UNC13C: variants seen among roughly 807,000 people sequenced by gnomAD.
UNC13C encodes unc-13 homolog C.
In UNC13C, 174 loss-of-function variants were observed where a neutral mutation model predicts 245.4. The ratio of observed to expected loss-of-function variants is 0.71; its 90% CI spans 0.63 to 0.80. The LOEUF is 0.80. Ranked by LOEUF, UNC13C falls within the 30% of genes least tolerant of loss-of-function variation. The pLI is 0.00. For synonymous variants in UNC13C, 992 were observed against 895.1 expected, an observed-to-expected ratio of 1.11 and a Z score of -1.93; for missense variants, 2,829 against 2,602.9, an observed-to-expected ratio of 1.09 and a Z score of -1.89.
At chr15:54,183,131 TAGG>T (rs1243231862) in intron 4 of UNC13C, among the ~76,000 whole-genome samples, 2 of 151,410 alleles carry the variant, frequency 1.3e-5, no homozygotes, top group African/African-American at 2.4e-5. Flanking sequence ...AAAGGTGAAA[TAGG>T]GGGACAAAAG....
At chr15:54,618,161 C>T (rs1056455462) in intron 30 of UNC13C, among the ~76,000 whole-genome samples, 6 of 152,030 alleles carry the variant, frequency 3.9e-5, no homozygotes, top group East Asian at 1.9e-4. Flanking sequence ...TTATTAATCC[C>T]GTGTTATAAC....
intron 24 of UNC13C, among the ~76,000 whole-genome samples, chr15:54,514,488 C>A (rs1455028108): frequency 6.6e-6 from 1 of 152,194 alleles, no homozygotes; most frequent in Non-Finnish European, 1.5e-5. Flanking sequence ...ATATGTACTT[C>A]TTGCTATAAA....
chr15:54,166,320 C>T (rs2033160449), intron 4 of UNC13C, among the ~76,000 whole-genome samples: 1 of 151,934 alleles, frequency 6.6e-6, no homozygotes, highest in Non-Finnish European at 1.5e-5. Flanking sequence ...TGATAGGAGA[C>T]ATGAAAAAAT....
intron 18 of UNC13C, among the ~76,000 whole-genome samples, chr15:54,408,079 T>C (rs2040336573): frequency 6.6e-6 from 1 of 151,318 alleles, no homozygotes; most frequent in South Asian, 2.1e-4. Context: ...CGGGCGCCTG[T>C]AGTCCCAGCT....
At chr15:54,229,624 T>C (rs1414307026) in intron 4 of UNC13C, among the ~76,000 whole-genome samples, 1 of 152,226 alleles carries the variant, frequency 6.6e-6, no homozygotes, top group Non-Finnish European at 1.5e-5. Context: ...GTTATATTTA[T>C]GGGGTGAGTA....
At chr15:53,945,905 T>C in the UNC13C span, among the ~76,000 whole-genome samples, 1 of 152,210 alleles carries the variant, frequency 6.6e-6, no homozygotes, top group Non-Finnish European at 1.5e-5. Flanking sequence ...CATTTGTTTG[T>C]GTCATCCCTG....
chr15:54,230,542 A>G (rs1267072775), intron 4 of UNC13C, among the ~76,000 whole-genome samples: 1 of 152,092 alleles, frequency 6.6e-6, no homozygotes, highest in Non-Finnish European at 1.5e-5. Context: ...TTAAAATTAC[A>G]GAACATATGT....
chr15:54,473,662 T>C (rs1053995741), intron 19 of UNC13C, among the ~76,000 whole-genome samples: 3 of 152,034 alleles, frequency 2.0e-5, no homozygotes, highest in Non-Finnish European at 4.4e-5. Flanking sequence ...AAGTGCAAGA[T>C]TTCCTTCCTT....
chr15:54,180,181 G>A (rs1052880229), intron 4 of UNC13C, among the ~76,000 whole-genome samples: 2 of 151,738 alleles, frequency 1.3e-5, no homozygotes, highest in East Asian at 1.9e-4. Context: ...GATAGTCCCC[G>A]GTTTCTATTG....
chr15:54,478,975 C>G (rs1472637656), intron 19 of UNC13C, among the ~76,000 whole-genome samples: 1 of 152,046 alleles, frequency 6.6e-6, no homozygotes, highest in Non-Finnish European at 1.5e-5. Flanking sequence ...TCAGGACTTG[C>G]TTTATGAATC....
intron 4 of UNC13C, among the ~76,000 whole-genome samples, chr15:54,204,025 C>T (rs1596000188): frequency 6.6e-6 from 1 of 151,444 alleles, no homozygotes; most frequent in Non-Finnish European, 1.5e-5. Flanking sequence ...GACTATTACT[C>T]TAAGTGAAGT....
At chr15:54,368,532 C>T (rs2039418072) in intron 17 of UNC13C, among the ~76,000 whole-genome samples, 1 of 151,896 alleles carries the variant, frequency 6.6e-6, no homozygotes, top group Admixed American at 6.6e-5. Flanking sequence ...CTATTAGGTA[C>T]AACCAATGAG....
chr15:54,307,076 T>A (rs2037745255), intron 13 of UNC13C, among the ~76,000 whole-genome samples: 1 of 152,026 alleles, frequency 6.6e-6, no homozygotes, highest in South Asian at 2.1e-4. Flanking sequence ...AAGATGAAAT[T>A]AATTTATTCA....
At chr15:54,378,544 A>G (rs1886937408) in intron 17 of UNC13C, among the ~76,000 whole-genome samples, 1 of 151,784 alleles carries the variant, frequency 6.6e-6, no homozygotes, top group Non-Finnish European at 1.5e-5. Context: ...GTATTCCCCC[A>G]TTTTGGTAAT....
At chr15:54,568,858 A>C (rs544139452) in intron 30 of UNC13C, among the ~76,000 whole-genome samples, 104 of 152,288 alleles carry the variant, frequency 6.8e-4, no homozygotes, top group African/African-American at 2.4e-3. Flanking sequence ...TATCAAAGAT[A>C]AAGCTAAATG....
At chr15:53,879,822 C>A in the UNC13C span, among the ~76,000 whole-genome samples, 3 of 152,010 alleles carry the variant, frequency 2.0e-5, no homozygotes, top group East Asian at 5.8e-4. Flanking sequence ...CCTGACCTCA[C>A]GATCCACCTG....
At position 54,109,347 on chromosome 15, in the gene UNC13C, CTTTT is replaced by C. The variant is rs61446324; in HGVS notation, c.2984-33658_2984-33655del. Among the ~76,000 whole-genome samples the C allele has an allele frequency of 9.6e-4, 71 of 74,000 alleles. 1 individual carries two copies. The highest frequency in any genetic ancestry group is 8.3e-3 in the Middle Eastern group (1 of 120). 48.5% of individuals were successfully genotyped at this position (74,000 alleles called of 152,430 possible). A position where few individuals can be genotyped will look rare whatever the true frequency, so the allele number is the denominator to read the frequency against. On this transcript the variant is annotated intron_variant, in intron 2 of 32. Transcript: ENST00000260323. The stretch of plus-strand genomic sequence containing the variant: ...TTCCTTTCCTTTTTTTCTTTCTTTC[CTTTT>C]TTTTTTTTTTTTGACAGTCTTGCTC...
At chr15:54,427,542 T>G (rs1484847151) in intron 19 of UNC13C, among the ~76,000 whole-genome samples, 1 of 151,726 alleles carries the variant, frequency 6.6e-6, no homozygotes, top group Non-Finnish European at 1.5e-5. Context: ...ACAAAAAAAT[T>G]GAAAAATACA....
chr15:54,413,487 C>G (rs1324071341), intron 18 of UNC13C, among the ~76,000 whole-genome samples: 1 of 151,784 alleles, frequency 6.6e-6, no homozygotes, highest in East Asian at 1.9e-4. Context: ...AATTGTTTGC[C>G]TAGGGTTATT....
Sources: gnomAD v4.1 joint callset for allele counts (sites outside exome capture counted in the v4.1 genomes callset) on GRCh38, gnomAD v4.1.1 for gene constraint, MANE v1.5 for transcripts, NCBI Gene and HGNC (gene_info 2026-07-23, HGNC 2026-07-21) for gene names.